The following GNA14 variants were observed in gnomAD, a reference collection of about 807,000 sequenced individuals.
The protein encoded by GNA14 is G protein subunit alpha 14, also known as guanine nucleotide-binding protein subunit alpha-14.
A neutral mutation model predicts 42.0 loss-of-function variants in GNA14; 50 were observed. That is an observed-to-expected ratio of 1.19 (90% CI 0.95 to 1.51). GNA14 has a LOEUF of 1.51. Ranked by LOEUF, GNA14 falls within the 40% of genes most tolerant of loss-of-function variation. The pLI is 0.00. For missense variants in GNA14, 473 were observed against 446.2 expected, an observed-to-expected ratio of 1.06 and a Z score of -0.54; for synonymous variants, 173 against 163.1, an observed-to-expected ratio of 1.06 and a Z score of -0.46.
intron 1 of GNA14, among the ~76,000 whole-genome samples, chr9:77,642,780 A>C (rs1033156894): frequency 4.6e-5 from 7 of 152,128 alleles, no homozygotes; most frequent in African/African-American, 1.7e-4. Flanking sequence ...AAAAACAAAC[A>C]AACAAAAATA....
chr9:77,493,864 A>G (rs1836827266), intron 2 of GNA14, among the ~76,000 whole-genome samples: 7 of 152,188 alleles, frequency 4.6e-5, no homozygotes, highest in Admixed American at 3.9e-4. Flanking sequence ...CATCTTGAAT[A>G]TATCTTCTAG....
chr9:77,437,187 CAA>C (rs1835653119), intron 2 of GNA14, among the ~76,000 whole-genome samples: 1 of 152,212 alleles, frequency 6.6e-6, no homozygotes, highest in Non-Finnish European at 1.5e-5. Context: ...TTCTCACAAA[CAA>C]AATGTAGGAA....
rs79474973 is a variant in GNA14, at chr9:77,465,532, G to A, written c.310-31010C>T. Among the ~76,000 whole-genome samples, 1,156 of 151,240 alleles carry A rather than the reference G, an allele frequency of 7.6e-3. 18 individuals are homozygous for A. Among genetic ancestry groups the A allele is most frequent in the African/African-American group, 0.027 (1,087 of 40,784 alleles). ...ATACGCCTAGGAGTAGAATTGCTGC[G>A]TAATTCTATGTTGAAGTTTTTGAAA... On this transcript the variant is annotated intron_variant, in intron 2 of 6. Coordinates refer to ENST00000341700, the MANE Select transcript of GNA14 (RefSeq NM_004297.4).
At chr9:77,455,001 C>A (rs1284457182) in intron 2 of GNA14, among the ~76,000 whole-genome samples, 2 of 152,208 alleles carry the variant, frequency 1.3e-5, no homozygotes, top group Non-Finnish European at 2.9e-5. Context: ...CAGCTTGAAA[C>A]AATACCTTTT....
At chr9:77,427,078 C>T (rs1835463708) in intron 5 of GNA14, among the ~76,000 whole-genome samples, 1 of 152,160 alleles carries the variant, frequency 6.6e-6, no homozygotes, top group African/African-American at 2.4e-5. Flanking sequence ...AGACAGTATA[C>T]AGAGTGGATA....
rs530240610 is a variant in GNA14, at chr9:77,546,004, T to C, written c.125-16751A>G. On this transcript the variant is annotated intron_variant, in intron 1 of 6. Coordinates refer to ENST00000341700, the MANE Select transcript of GNA14 (RefSeq NM_004297.4). ...GCCGAGGCAGGTGGATCACCTGAGG[T>C]CAGGAGTTCGAGACCAGCCTGGCCA... 5.9e-4 allele frequency among the ~76,000 whole-genome samples: 89 copies of C among 152,020 alleles called. No individual in the cohort carries two copies. The South Asian group carries it at 8.1e-3, about 14-fold the overall frequency.
At chr9:77,643,996 T>C (rs1420284274) in intron 1 of GNA14, among the ~76,000 whole-genome samples, 1 of 152,102 alleles carries the variant, frequency 6.6e-6, no homozygotes, top group African/African-American at 2.4e-5. Flanking sequence ...ATCTACATTT[T>C]TCATCTCTAC....
intron 5 of GNA14, among the ~76,000 whole-genome samples, chr9:77,428,105 G>A (rs1386995823): frequency 1.4e-5 from 2 of 139,960 alleles, no homozygotes. Flanking sequence ...TTGAGATGGA[G>A]TCTCGCTCTG....
chr9:77,428,079 T>C (rs1159541010), intron 5 of GNA14, among the ~76,000 whole-genome samples: 1 of 146,020 alleles, frequency 6.8e-6, no homozygotes, highest in African/African-American at 2.6e-5. Context: ...TTCTTTTTTT[T>C]TTTCTTTTTT....
chr9:77,545,190 G>A lies in GNA14; in HGVS notation c.125-15937C>T, dbSNP rs76609290. ...TTTTGCTGAAACACCAGTAACTACAGTACCTAAACCACCTTCCTATCCTTT... is the reference window on the plus strand; with the variant it reads ...TTTTGCTGAAACACCAGTAACTACAATACCTAAACCACCTTCCTATCCTTT... On this transcript the variant is annotated intron_variant, in intron 1 of 6. Transcript: ENST00000341700. 8.5e-3 allele frequency among the ~76,000 whole-genome samples: 1,299 copies of A among 152,282 alleles called. 16 individuals are homozygous for A. Among genetic ancestry groups the A allele is most frequent in the African/African-American group, 0.029 (1,221 of 41,560 alleles).
intron 1 of GNA14, among the ~76,000 whole-genome samples, chr9:77,598,345 C>T (rs1314242998): frequency 6.6e-6 from 1 of 152,146 alleles, no homozygotes; most frequent in Non-Finnish European, 1.5e-5. Flanking sequence ...TCCAATTTAT[C>T]ATTCCAGGTC....
At chr9:77,520,048 C>T (rs1458061525) in intron 2 of GNA14, among the ~76,000 whole-genome samples, 2 of 152,046 alleles carry the variant, frequency 1.3e-5, no homozygotes, top group Admixed American at 1.3e-4. Flanking sequence ...CAGACTTCAC[C>T]ACTATGCAAC....
chr9:77,434,534 A>G lies in GNA14; in HGVS notation c.310-12T>C, dbSNP rs373685835. ...ATCTGGGCATTTTCCTACTCAAAGG[A>G]AAGAGAACCTTGCATCAGGCAAAGG... On this transcript the variant is annotated splice_polypyrimidine_tract_variant and intron_variant, in intron 2 of 6. Transcript: ENST00000341700. 68 of 1,610,444 alleles carry G rather than the reference A, an allele frequency of 4.2e-5. No individual in the cohort carries two copies. Among genetic ancestry groups the G allele is most frequent in the Non-Finnish European group, 5.5e-5 (65 of 1,178,046 alleles).
intron 2 of GNA14, among the ~76,000 whole-genome samples, chr9:77,515,897 T>C (rs1837247027): frequency 7.2e-6 from 1 of 139,386 alleles, no homozygotes; most frequent in Admixed American, 7.7e-5. Context: ...GAGGTCGAGG[T>C]TGCAGTGAGC....
chr9:77,535,573 A>T (rs1055304049), intron 1 of GNA14, among the ~76,000 whole-genome samples: 1 of 152,138 alleles, frequency 6.6e-6, no homozygotes, highest in African/African-American at 2.4e-5. Context: ...AAAACAAAAA[A>T]GATACTGATT....
rs140313513 is a variant in GNA14 at position 77,432,243 on chromosome 9, C to T, written c.465-794G>A. Among the ~76,000 whole-genome samples, 979 of 152,294 alleles carry T rather than the reference C, an allele frequency of 6.4e-3. 14 individuals are homozygous for T. Among genetic ancestry groups the T allele is most frequent in the African/African-American group, 0.022 (909 of 41,568 alleles). On this transcript the variant is annotated intron_variant, in intron 3 of 6. Transcript: ENST00000341700. The stretch of plus-strand genomic sequence containing the variant: ...TGAGGTCGGCCCTGCCCTGTCCCAG[C>T]ACCGCATCAGGGGCTGAGCAGGTCC...
At chr9:77,445,093 A>G (rs1284657275) in intron 2 of GNA14, among the ~76,000 whole-genome samples, 1 of 152,208 alleles carries the variant, frequency 6.6e-6, no homozygotes, top group Non-Finnish European at 1.5e-5. Context: ...TGAGCCAACT[A>G]GTACTTCCCA....
intron 2 of GNA14, among the ~76,000 whole-genome samples, chr9:77,468,897 C>T (rs1836280816): frequency 6.6e-6 from 1 of 152,206 alleles, no homozygotes; most frequent in South Asian, 2.1e-4. Context: ...GCTTGCTTCT[C>T]CAGCATATCC....
At chr9:77,506,895 C>T (rs995443615) in intron 2 of GNA14, among the ~76,000 whole-genome samples, 8 of 152,128 alleles carry the variant, frequency 5.3e-5, no homozygotes, top group Admixed American at 5.2e-4. Context: ...TTTCTGATAC[C>T]ATTAATTTCC....
Sources: gnomAD v4.1 joint callset for allele counts (sites outside exome capture counted in the v4.1 genomes callset) on GRCh38, gnomAD v4.1.1 for gene constraint, MANE v1.5 for transcripts, NCBI Gene and HGNC (gene_info 2026-07-23, HGNC 2026-07-21) for gene names.